PANK1: variants seen among roughly 807,000 people sequenced by gnomAD.
PANK1 encodes the protein pantothenic acid kinase 1.
Under a neutral mutation model 40.1 loss-of-function variants are expected in PANK1, and 18 were observed. That is an observed-to-expected ratio of 0.45 (90% CI 0.31 to 0.67). PANK1 has a LOEUF of 0.67. PANK1 is among the 30% of genes least tolerant of loss of function. PANK1 has a pLI of 0.06. For missense variants in PANK1, 457 were observed against 599.6 expected (o/e 0.76, Z 2.48); for synonymous variants, 242 against 237.7 (o/e 1.02, Z -0.17).
At chr10:89,612,962 G>C (rs1346395699) in intron 1 of PANK1, among the ~76,000 whole-genome samples, 2 of 152,164 alleles carry the variant, frequency 1.3e-5, no homozygotes, top group African/African-American at 2.4e-5. Context: ...GAAACACAAA[G>C]GCATGCCTCT....
intron 1 of PANK1, chr10:89,614,038 A>G (rs1416759758): frequency 4.4e-6 from 2 of 456,662 alleles, no homozygotes; most frequent in Non-Finnish European, 8.8e-6. Flanking sequence ...AAGAAATACA[A>G]AAGAAAAATT....
chr10:89,591,654 C>T (rs574726253), intron 5 of PANK1, among the ~76,000 whole-genome samples: 5 of 152,274 alleles, frequency 3.3e-5, no homozygotes, highest in Non-Finnish European at 5.9e-5. Flanking sequence ...GGCCCCAAGG[C>T]GACTGGTGAT....
chr10:89,627,581 C>A lies in PANK1; in HGVS notation c.293-15533G>T, dbSNP rs963059004. 2.0e-5 allele frequency among the ~76,000 whole-genome samples: 3 copies of A among 152,128 alleles called. No homozygotes were observed. In the South Asian group the frequency reaches 6.2e-4, roughly 32 times the overall value. ...GGCACTCTGCTAAACAGTCAGGATG[C>A]GGCAATGAGCCAGCCCCCTTGGCAC... On this transcript the variant is annotated intron_variant, in intron 1 of 6. Coordinates refer to ENST00000307534, the MANE Select transcript of PANK1 (RefSeq NM_148977.3).
intron 1 of PANK1, among the ~76,000 whole-genome samples, chr10:89,630,362 C>T (rs932457905): frequency 6.6e-6 from 1 of 152,214 alleles, no homozygotes; most frequent in Non-Finnish European, 1.5e-5. Context: ...GTGCTAGCAG[C>T]TTTCCATGCA....
chr10:89,629,768 A>G lies in PANK1; in HGVS notation c.292+14832T>C, dbSNP rs117193120. Among the ~76,000 whole-genome samples, 619 of 152,328 alleles carry G rather than the reference A, an allele frequency of 4.1e-3. 3 individuals carry two copies. The highest frequency in any genetic ancestry group is 0.012 in the African/African-American group (486 of 41,572). On this transcript the variant is annotated intron_variant, in intron 1 of 6. Transcript: ENST00000307534. Reference sequence around the variant, plus strand: ...TATTTGGATTACACAATTTGAAGAAAAGTTTGATTCAGAGACAGCAGCTGC... The same window carrying G: ...TATTTGGATTACACAATTTGAAGAAGAGTTTGATTCAGAGACAGCAGCTGC...
At chr10:89,590,643 T>C (rs1245639017) in intron 5 of PANK1, among the ~76,000 whole-genome samples, 2 of 152,108 alleles carry the variant, frequency 1.3e-5, no homozygotes, top group Non-Finnish European at 2.9e-5. Context: ...AATTTTTAAA[T>C]AATAGTAAAA....
At chr10:89,620,151 T>C (rs997803383) in intron 1 of PANK1, among the ~76,000 whole-genome samples, 3 of 152,224 alleles carry the variant, frequency 2.0e-5, no homozygotes, top group Non-Finnish European at 4.4e-5. Context: ...TTGCGTTAAC[T>C]GCACAAATTG....
chr10:89,587,274 G>A (rs1304567591), intron 6 of PANK1, among the ~76,000 whole-genome samples: 1 of 152,198 alleles, frequency 6.6e-6, no homozygotes, highest in Non-Finnish European at 1.5e-5. Flanking sequence ...CTTACCAGCT[G>A]AATTGCTTAC....
intron 2 of PANK1, among the ~76,000 whole-genome samples, chr10:89,608,052 G>A (rs889738595): frequency 7.0e-6 from 1 of 142,686 alleles, no homozygotes; most frequent in Non-Finnish European, 1.5e-5. Flanking sequence ...TTTTTTTTGA[G>A]GTGGAGTCTG....
chr10:89,614,593 T>C (rs1211851696), intron 1 of PANK1, among the ~76,000 whole-genome samples: 3 of 150,706 alleles, frequency 2.0e-5, no homozygotes, highest in Non-Finnish European at 3.0e-5. Context: ...AGTCCAGGAG[T>C]TTGAGACCAG....
Position 89,601,756 on chromosome 10 carries a change from A to C in PANK1, c.646-2251T>G, listed in dbSNP as rs564247229. ...AATGGTTCTAAACATTTCTTTTTTTACCAAGTGAAACTTCTGTATGAGATG... is the reference window on the plus strand; with the variant it reads ...AATGGTTCTAAACATTTCTTTTTTTCCCAAGTGAAACTTCTGTATGAGATG... On this transcript the variant is annotated intron_variant, in intron 2 of 6. Coordinates refer to ENST00000307534, the MANE Select transcript of PANK1 (RefSeq NM_148977.3). Among the ~76,000 whole-genome samples, 6 of 152,326 alleles carry C rather than the reference A, an allele frequency of 3.9e-5. No individual in the cohort carries two copies. The South Asian group carries it at 1.0e-3, about 26-fold the overall frequency.
chr10:89,604,608 C>A (rs970781812), intron 2 of PANK1, among the ~76,000 whole-genome samples: 1 of 150,344 alleles, frequency 6.7e-6, no homozygotes, highest in Non-Finnish European at 1.5e-5. Flanking sequence ...GTAGGAGAAT[C>A]GCCTGAACCC....
chr10:89,585,340 A>G (rs1332566808), intron 6 of PANK1, among the ~76,000 whole-genome samples: 3 of 152,216 alleles, frequency 2.0e-5, no homozygotes, highest in South Asian at 2.1e-4. Flanking sequence ...TAGGATTTCA[A>G]CATAGACATT....
chr10:89,606,115 T>C (rs1844957586), intron 2 of PANK1, among the ~76,000 whole-genome samples: 2 of 152,184 alleles, frequency 1.3e-5, no homozygotes, highest in Admixed American at 6.5e-5. Flanking sequence ...TGCCTTATTG[T>C]TACATTCGTA....
At chr10:89,634,539 C>G (rs994806533) in intron 1 of PANK1, among the ~76,000 whole-genome samples, 7 of 152,108 alleles carry the variant, frequency 4.6e-5, no homozygotes, top group Non-Finnish European at 8.8e-5. Flanking sequence ...TTTGCAAGGT[C>G]ATTTTTTCAA....
intron 2 of PANK1, 70 bp downstream of exon 2, chr10:89,611,626 C>G: frequency 2.7e-6 from 3 of 1,121,710 alleles, no homozygotes; most frequent in Non-Finnish European, 3.9e-6. Context: ...TATGGTTCTT[C>G]GGTATGAGTG....
At chr10:89,601,880 C>T (rs1037097838) in intron 2 of PANK1, among the ~76,000 whole-genome samples, 45 of 152,180 alleles carry the variant, frequency 3.0e-4, no homozygotes, top group Admixed American at 7.9e-4. Context: ...AACACTATTT[C>T]CTCTGTTCTC....
intron 3 of PANK1, among the ~76,000 whole-genome samples, chr10:89,598,027 G>A (rs1844662971): frequency 6.6e-6 from 1 of 152,180 alleles, no homozygotes; most frequent in Admixed American, 6.5e-5. Context: ...GTACATGCAT[G>A]CCAGGGTTTC....
intron 1 of PANK1, among the ~76,000 whole-genome samples, chr10:89,620,711 C>T (rs1262352690): frequency 6.6e-6 from 1 of 152,176 alleles, no homozygotes; most frequent in African/African-American, 2.4e-5. Flanking sequence ...GAATTACTCC[C>T]TGTTCGTACC....
Sources: gnomAD v4.1 joint callset for allele counts (sites outside exome capture counted in the v4.1 genomes callset) on GRCh38, gnomAD v4.1.1 for gene constraint, MANE v1.5 for transcripts, NCBI Gene and HGNC (gene_info 2026-07-23, HGNC 2026-07-21) for gene names.